Variants in RHOJ observed in about 807,000 individuals in gnomAD.
The protein encoded by RHOJ is rho-related GTP-binding protein RhoJ.
Under a neutral mutation model 23.4 loss-of-function variants are expected in RHOJ, and 11 were observed. The ratio of observed to expected loss-of-function variants is 0.47; its 90% CI spans 0.30 to 0.78. The LOEUF is 0.78. Ranked by LOEUF, RHOJ falls within the 30% of genes least tolerant of loss-of-function variation. RHOJ has a pLI of 0.08. For synonymous variants in RHOJ, 102 were observed against 102.7 expected, an observed-to-expected ratio of 0.99 and a Z score of 0.04; for missense variants, 254 against 273.4, an observed-to-expected ratio of 0.93 and a Z score of 0.50.
At chr14:63,240,752 A>C (rs2139631259) in intron 1 of RHOJ, among the ~76,000 whole-genome samples, 1 of 152,354 alleles carries the variant, frequency 6.6e-6, no homozygotes, top group East Asian at 1.9e-4. Flanking sequence ...AGAACAAGTA[A>C]CAAAACATAA....
intron 1 of RHOJ, among the ~76,000 whole-genome samples, chr14:63,254,602 GA>G (rs1566620245): frequency 6.6e-6 from 1 of 152,046 alleles, no homozygotes; most frequent in Non-Finnish European, 1.5e-5. Context: ...TTGTGTGGGG[GA>G]AAAAAGAAAA....
chr14:63,268,503 C>A (rs1308548405), intron 1 of RHOJ, among the ~76,000 whole-genome samples: 1 of 152,178 alleles, frequency 6.6e-6, no homozygotes. Flanking sequence ...AGTTCAAAAT[C>A]ATAATGAATC....
At chr14:63,205,270 G>T (rs977017976) in intron 1 of RHOJ, among the ~76,000 whole-genome samples, 2 of 152,124 alleles carry the variant, frequency 1.3e-5, no homozygotes, top group Non-Finnish European at 2.9e-5. Flanking sequence ...GAATGGCAAC[G>T]CCAGGAAAAT....
chr14:63,221,302 T>C (rs1314149760), intron 1 of RHOJ, among the ~76,000 whole-genome samples: 1 of 152,140 alleles, frequency 6.6e-6, no homozygotes, highest in South Asian at 2.1e-4. Flanking sequence ...TGAACTGAGC[T>C]TGGGCAAAAG....
At position 63,223,946 on chromosome 14, in the gene RHOJ, C is replaced by T. The variant is rs183930925; in HGVS notation, c.178+18899C>T. ...AATTTATTACCACAGCTTGCAATCT[C>T]TCTCCAATATTTAATTTTACATTGA... On this transcript the variant is annotated intron_variant, in intron 1 of 4. Coordinates refer to ENST00000316754, the MANE Select transcript of RHOJ (RefSeq NM_020663.5). Among the ~76,000 whole-genome samples the T allele has an allele frequency of 2.3e-4, 35 of 152,246 alleles. 1 individual carries two copies. Among genetic ancestry groups the T allele is most frequent in the Admixed American group, 2.1e-3 (32 of 15,286 alleles).
intron 1 of RHOJ, among the ~76,000 whole-genome samples, chr14:63,242,709 T>A (rs1311058836): frequency 1.3e-5 from 2 of 152,178 alleles, no homozygotes; most frequent in East Asian, 3.8e-4. Flanking sequence ...CATAAGTTTC[T>A]TTGCCGTGAT....
chr14:63,273,111 A>T (rs192924142), intron 2 of RHOJ, among the ~76,000 whole-genome samples: 133 of 152,274 alleles, frequency 8.7e-4, no homozygotes, highest in Non-Finnish European at 1.6e-3. Context: ...CCTTCCCCAA[A>T]CCCTGAAACA....
intron 1 of RHOJ, among the ~76,000 whole-genome samples, chr14:63,206,473 C>G (rs934068032): frequency 3.3e-5 from 5 of 152,168 alleles, no homozygotes; most frequent in Non-Finnish European, 5.9e-5. Context: ...CTGAAACCAT[C>G]TTAGCAAAAG....
chr14:63,249,398 T>C (rs1450695039), intron 1 of RHOJ, among the ~76,000 whole-genome samples: 1 of 152,198 alleles, frequency 6.6e-6, no homozygotes, highest in Non-Finnish European at 1.5e-5. Flanking sequence ...TGCTGGCCTC[T>C]GGCAGTGATT....
In RHOJ at chr14:63,288,757, A is replaced by G. The variant is rs149587768; in HGVS notation, c.499-2121A>G. The stretch of plus-strand genomic sequence containing the variant: ...TTTGGTATTTTCCCTTGGCTCATTC[A>G]GTAACCATTCTTGTCAGGAAAAAAA... On this transcript the variant is annotated intron_variant, in intron 4 of 4. Transcript: ENST00000316754. Among the ~76,000 whole-genome samples, 672 of 152,366 alleles carry G rather than the reference A, an allele frequency of 4.4e-3. 6 individuals carry two copies. The highest frequency in any genetic ancestry group is 0.015 in the African/African-American group (632 of 41,588).
intron 1 of RHOJ, among the ~76,000 whole-genome samples, chr14:63,209,132 C>A (rs1203840609): frequency 6.6e-6 from 1 of 152,110 alleles, no homozygotes; most frequent in African/African-American, 2.4e-5. Context: ...GTCTTCATTG[C>A]CTTCATTCTT....
intron 1 of RHOJ, among the ~76,000 whole-genome samples, chr14:63,255,590 C>G (rs1339619553): frequency 6.6e-5 from 10 of 151,352 alleles, no homozygotes; most frequent in Non-Finnish European, 1.0e-4. Flanking sequence ...TACCCTCCCC[C>G]ACTCCATGCT....
At chr14:63,273,026 AAAAG>A (rs1364096218) in intron 2 of RHOJ, among the ~76,000 whole-genome samples, 1 of 152,186 alleles carries the variant, frequency 6.6e-6, no homozygotes, top group Admixed American at 6.5e-5. Flanking sequence ...TCCATCTCAA[AAAAG>A]AAAGAGAGTT....
chr14:63,218,726 G>T (rs1347378844), intron 1 of RHOJ, among the ~76,000 whole-genome samples: 1 of 152,142 alleles, frequency 6.6e-6, no homozygotes. Flanking sequence ...GAACTCAGCA[G>T]ATTTTCTGGA....
At chr14:63,225,249 C>T (rs1468350284) in intron 1 of RHOJ, among the ~76,000 whole-genome samples, 3 of 152,128 alleles carry the variant, frequency 2.0e-5, no homozygotes, top group Non-Finnish European at 2.9e-5. Flanking sequence ...CCATGCCCGG[C>T]CTCATTCATA....
chr14:63,207,524 T>C (rs1365625376), intron 1 of RHOJ, among the ~76,000 whole-genome samples: 1 of 152,268 alleles, frequency 6.6e-6, no homozygotes, highest in African/African-American at 2.4e-5. Context: ...TGGGTCCTAC[T>C]GGCCTACTTT....
intron 1 of RHOJ, among the ~76,000 whole-genome samples, chr14:63,263,573 C>T (rs1270614673): frequency 6.6e-6 from 1 of 152,080 alleles, no homozygotes; most frequent in Admixed American, 6.5e-5. Context: ...CAAGCTCTGC[C>T]CCCTCTTTTT....
chr14:63,204,914 C>T lies in RHOJ; in HGVS notation c.45C>T (p.Gly15=). The part of the protein sequence containing the change: ...EGTDSSCGCR[G]NDEKKMLKCV... ...CTGACAGCAGCTGCGGCTGCAGGGGCAACGACGAGAAGAAGATGTTGAAGT... is the reference window on the plus strand; with the variant it reads ...CTGACAGCAGCTGCGGCTGCAGGGGTAACGACGAGAAGAAGATGTTGAAGT... Residue 15 remains glycine, a synonymous_variant, in exon 1 of 5, where the codon GGC becomes GGT. Coordinates refer to ENST00000316754, the MANE Select transcript of RHOJ (RefSeq NM_020663.5). 6.2e-7 allele frequency: 1 copy of T among 1,614,078 alleles called. No individual in the cohort carries two copies. Among genetic ancestry groups the T allele is most frequent in the Non-Finnish European group, 8.5e-7 (1 of 1,180,000 alleles).
intron 1 of RHOJ, among the ~76,000 whole-genome samples, chr14:63,238,351 A>T (rs1054242911): frequency 6.6e-6 from 1 of 152,190 alleles, no homozygotes; most frequent in Non-Finnish European, 1.5e-5. Flanking sequence ...CATCATCAGC[A>T]TGGTATAAAA....
Sources: allele counts gnomAD v4.1 joint callset (sites outside exome capture counted in the v4.1 genomes callset), GRCh38; gene constraint gnomAD v4.1.1; transcripts MANE v1.5; gene names NCBI Gene and HGNC (gene_info 2026-07-23, HGNC 2026-07-21).